Variants in PDE1A observed in about 807,000 individuals in gnomAD.
PDE1A encodes the protein phosphodiesterase 1A.
In PDE1A, 35 loss-of-function variants were observed where a neutral mutation model predicts 61.7. The observed-to-expected ratio is 0.57, with a 90% CI of 0.43 to 0.75. The LOEUF (loss-of-function observed/expected upper bound fraction) is 0.75, where lower values mean the gene tolerates loss of function less well. Among genes scored for constraint, PDE1A ranks in the 30% least tolerant of loss-of-function variants. The pLI, the probability that PDE1A is intolerant of heterozygous loss-of-function variation, is 0.00. For missense variants in PDE1A, 597 were observed against 630.6 expected, an observed-to-expected ratio of 0.95 and a Z score of 0.57; for synonymous variants, 232 against 213.2, an observed-to-expected ratio of 1.09 and a Z score of -0.77.
At chr2:182,676,541 G>A in the PDE1A span, among the ~76,000 whole-genome samples, 2 of 152,156 alleles carry the variant, frequency 1.3e-5, no homozygotes, top group East Asian at 3.9e-4. Context: ...AATTGAAGAG[G>A]AGGGACTCCT....
chr2:182,474,195 T>C (rs1687214888), intron 2 of PDE1A, among the ~76,000 whole-genome samples: 1 of 152,006 alleles, frequency 6.6e-6, no homozygotes. Context: ...TGGGTAACCA[T>C]GAAGAGTAAA....
chr2:182,668,455 A>C, the PDE1A span, among the ~76,000 whole-genome samples: 3 of 152,062 alleles, frequency 2.0e-5, no homozygotes, highest in African/African-American at 7.2e-5. Context: ...GGCAAAAAAA[A>C]CCAATAGAGG....
the PDE1A span, among the ~76,000 whole-genome samples, chr2:182,583,879 T>C: frequency 6.6e-6 from 1 of 152,186 alleles, no homozygotes; most frequent in African/African-American, 2.4e-5. Flanking sequence ...TGATTAAATT[T>C]TTGCACAGAA....
the PDE1A span, among the ~76,000 whole-genome samples, chr2:182,656,947 A>G: frequency 2.0e-4 from 30 of 152,168 alleles, no homozygotes; most frequent in African/African-American, 6.0e-4. Context: ...ACAACTGGCC[A>G]GGTGCGGTGG....
At chr2:182,347,223 C>T (rs1698572230) in intron 1 of PDE1A, among the ~76,000 whole-genome samples, 1 of 151,910 alleles carries the variant, frequency 6.6e-6, no homozygotes, top group African/African-American at 2.4e-5. Context: ...GTTTAAAGCT[C>T]CAGATCTCTC....
the PDE1A span, among the ~76,000 whole-genome samples, chr2:182,690,883 T>C: frequency 3.3e-5 from 5 of 152,010 alleles, no homozygotes; most frequent in Middle Eastern, 3.2e-3. Context: ...TATACACCAA[T>C]AACAGACAAA....
rs1399201092 is a variant in PDE1A at position 182,426,679 on chromosome 2, A to T, written c.-49T>A. The T allele has an allele frequency of 2.5e-6, 4 of 1,612,028 alleles. No individual in the cohort carries two copies. In the East Asian group the frequency reaches 8.9e-5, roughly 36 times the overall value. On this transcript the variant is annotated 5_prime_UTR_variant, in exon 1 of 14. Transcript: ENST00000351439. ...TCCTGGAAACCACTCCAGAAACTCC[A>T]GAGAGGAAATGTGGAAGCTTATCCT...
At chr2:182,212,440 C>A (rs546463504) in intron 7 of PDE1A, among the ~76,000 whole-genome samples, 6 of 152,156 alleles carry the variant, frequency 3.9e-5, no homozygotes, top group African/African-American at 1.4e-4. Flanking sequence ...GGAACAGCTC[C>A]GGTCTACAGC....
At chr2:182,689,137 A>C in the PDE1A span, among the ~76,000 whole-genome samples, 1 of 152,214 alleles carries the variant, frequency 6.6e-6, no homozygotes. Flanking sequence ...AAAGTTAACA[A>C]GGATATCCAG....
At chr2:182,278,102 T>C (rs1693558865) in intron 1 of PDE1A, among the ~76,000 whole-genome samples, 1 of 152,056 alleles carries the variant, frequency 6.6e-6, no homozygotes, top group African/African-American at 2.4e-5. Context: ...TTTAATATAG[T>C]GATTAAATAG....
chr2:182,350,122 T>C (rs187010925), intron 1 of PDE1A, among the ~76,000 whole-genome samples: 47 of 152,256 alleles, frequency 3.1e-4, no homozygotes, highest in Middle Eastern at 3.4e-3. Context: ...ACTAACACCA[T>C]AGATTAGTTC....
At chr2:182,289,290 T>C (rs1383766665) in intron 1 of PDE1A, among the ~76,000 whole-genome samples, 1 of 149,364 alleles carries the variant, frequency 6.7e-6, no homozygotes, top group African/African-American at 2.4e-5. Flanking sequence ...TAAAGTTTTG[T>C]TTATTTAAAA....
At chr2:182,500,877 C>T (rs574038108) in intron 2 of PDE1A, among the ~76,000 whole-genome samples, 1 of 152,120 alleles carries the variant, frequency 6.6e-6, no homozygotes, top group Non-Finnish European at 1.5e-5. Context: ...TTCACTTCTC[C>T]TCACACCTGA....
At chr2:182,410,861 A>T (rs2125518132) in intron 1 of PDE1A, among the ~76,000 whole-genome samples, 1 of 152,324 alleles carries the variant, frequency 6.6e-6, no homozygotes, top group African/African-American at 2.4e-5. Context: ...CACTAAGGCC[A>T]TTTACACAGT....
chr2:182,636,580 C>T, the PDE1A span, among the ~76,000 whole-genome samples: 3 of 152,258 alleles, frequency 2.0e-5, no homozygotes, highest in Admixed American at 6.5e-5. Flanking sequence ...TTCAAACAAA[C>T]GTATTTTGCT....
chr2:182,344,995 A>C (rs931441443), intron 1 of PDE1A, among the ~76,000 whole-genome samples: 2 of 152,134 alleles, frequency 1.3e-5, no homozygotes, highest in African/African-American at 4.8e-5. Flanking sequence ...TTGGTTTTCT[A>C]CCAGGTCTGC....
the PDE1A span, among the ~76,000 whole-genome samples, chr2:182,624,350 G>A: frequency 6.6e-6 from 1 of 152,102 alleles, no homozygotes; most frequent in South Asian, 2.1e-4. Flanking sequence ...GTACTCAAAA[G>A]GAGAAACAGA....
upstream of PDE1A, among the ~76,000 whole-genome samples, chr2:182,524,803 A>G (rs1690750189): frequency 6.6e-6 from 1 of 151,968 alleles, no homozygotes; most frequent in Non-Finnish European, 1.5e-5. Flanking sequence ...ACAGTAAAAA[A>G]TGATCCAATT....
At chr2:182,412,847 A>C (rs1478686185) in intron 1 of PDE1A, among the ~76,000 whole-genome samples, 2 of 152,222 alleles carry the variant, frequency 1.3e-5, no homozygotes, top group Non-Finnish European at 2.9e-5. Context: ...AAACAATGAC[A>C]CAAATTACTG....
Sources: gnomAD v4.1 joint callset for allele counts (sites outside exome capture counted in the v4.1 genomes callset) on GRCh38, gnomAD v4.1.1 for gene constraint, MANE v1.5 for transcripts, NCBI Gene and HGNC (gene_info 2026-07-23, HGNC 2026-07-21) for gene names.